YEATS2: variants seen among roughly 807,000 people sequenced by gnomAD.
The protein encoded by YEATS2 is YEATS domain containing 2.
A neutral mutation model predicts 163.2 loss-of-function variants in YEATS2; 77 were observed. That is an observed-to-expected ratio of 0.47 (90% CI 0.39 to 0.57). YEATS2 has a LOEUF of 0.57. Among genes scored for constraint, YEATS2 ranks in the 20% least tolerant of loss-of-function variants. YEATS2 has a pLI of 0.00. For synonymous variants in YEATS2, 631 were observed against 645.1 expected (o/e 0.98, Z 0.33); for missense variants, 1,549 against 1,729.8 (o/e 0.90, Z 1.85).
intron 19 of YEATS2, among the ~76,000 whole-genome samples, chr3:183,781,902 TA>T (rs138662908): frequency 1.2e-4 from 18 of 147,822 alleles, no homozygotes; most frequent in South Asian, 2.1e-4. Context: ...CACCCTGTCT[TA>T]AAAAAAAAAA....
chr3:183,714,142 A>T (rs1715564294), intron 1 of YEATS2, among the ~76,000 whole-genome samples: 1 of 151,266 alleles, frequency 6.6e-6, no homozygotes, highest in Non-Finnish European at 1.5e-5. Flanking sequence ...TTAAACAGCC[A>T]CATAAGGCTA....
At position 183,806,393 on chromosome 3, in the gene YEATS2, C is replaced by T. The variant is rs1263871434; in HGVS notation, c.3785-473C>T. On this transcript the variant is annotated intron_variant, in intron 27 of 30. Transcript: ENST00000305135. ...TAGATCTGGCCTTGAGGTCCTCACACTCCTGATTAGGTTTTGTATAAATCA... is the reference window on the plus strand; with the variant it reads ...TAGATCTGGCCTTGAGGTCCTCACATTCCTGATTAGGTTTTGTATAAATCA... The T allele has an allele frequency of 2.0e-5, 9 of 456,638 alleles. No homozygotes were observed. The East Asian group carries it at 4.2e-4, about 21-fold the overall frequency. 28.3% of individuals were successfully genotyped at this position (456,638 alleles called of 1,614,324 possible).
chr3:183,729,077 C>G (rs550533196), intron 7 of YEATS2, among the ~76,000 whole-genome samples: 2 of 152,196 alleles, frequency 1.3e-5, no homozygotes, highest in South Asian at 2.1e-4. Context: ...TTGAGACCAT[C>G]CTGGCTAACA....
chr3:183,727,897 T>TA (rs1190854754), intron 6 of YEATS2, among the ~76,000 whole-genome samples: 35 of 151,280 alleles, frequency 2.3e-4, no homozygotes, highest in African/African-American at 7.8e-4. Flanking sequence ...GGAATAAAAA[T>TA]ATGCCAGTTT....
At chr3:183,776,793 A>G (rs958341327) in intron 18 of YEATS2, among the ~76,000 whole-genome samples, 4 of 152,054 alleles carry the variant, frequency 2.6e-5, no homozygotes, top group African/African-American at 9.7e-5. Context: ...CTCTATTAAA[A>G]ATACAAAAAT....
chr3:183,783,308 G>T (rs1406265752), intron 19 of YEATS2, among the ~76,000 whole-genome samples: 1 of 152,194 alleles, frequency 6.6e-6, no homozygotes, highest in Non-Finnish European at 1.5e-5. Context: ...TCTGCTTGTG[G>T]AGTGCATTAA....
At chr3:183,780,210 T>C (rs1006585611) in intron 19 of YEATS2, among the ~76,000 whole-genome samples, 2 of 152,104 alleles carry the variant, frequency 1.3e-5, no homozygotes, top group Non-Finnish European at 2.9e-5. Context: ...CATATGTGGA[T>C]ATATCTCACA....
intron 1 of YEATS2, among the ~76,000 whole-genome samples, chr3:183,714,942 C>T (rs1458262703): frequency 6.6e-6 from 1 of 151,300 alleles, no homozygotes; most frequent in Non-Finnish European, 1.5e-5. Flanking sequence ...AACTTTTAAA[C>T]TTAGGCTTTT....
At chr3:183,772,871 T>G (rs1027669829) in intron 16 of YEATS2, among the ~76,000 whole-genome samples, 1 of 152,152 alleles carries the variant, frequency 6.6e-6, no homozygotes, top group Admixed American at 6.6e-5. Context: ...AATCCACAGA[T>G]GCTAATCCAC....
At chr3:183,807,216 C>T (rs1577234391) in intron 28 of YEATS2, 124 bp downstream of exon 28, 4 of 858,788 alleles carry the variant, frequency 4.7e-6, no homozygotes, top group Middle Eastern at 3.5e-4. Context: ...GACCCAGACT[C>T]TTCTGGTGCC....
chr3:183,775,831 C>T, intron 17 of YEATS2, 84 bp from the exon 18 acceptor site: 1 of 1,591,972 alleles, frequency 6.3e-7, no homozygotes, highest in South Asian at 1.1e-5. Context: ...AAAAGGGAAA[C>T]ATCTCTCTGG....
At chr3:183,761,139 G>A (rs1721306554) in intron 13 of YEATS2, among the ~76,000 whole-genome samples, 1 of 151,958 alleles carries the variant, frequency 6.6e-6, no homozygotes, top group South Asian at 2.1e-4. Flanking sequence ...CCAGGCTGGA[G>A]TGCAGTGGCG....
At position 183,806,196 on chromosome 3, in the gene YEATS2, A is replaced by G. The variant is rs575013217; in HGVS notation, c.3785-670A>G. ...TCCTAAGTCAAAAATGATATTTTCAACTTACGATGGGTTTTTCAGGATATA... is the reference window on the plus strand; with the variant it reads ...TCCTAAGTCAAAAATGATATTTTCAGCTTACGATGGGTTTTTCAGGATATA... On this transcript the variant is annotated intron_variant, in intron 27 of 30. Transcript: ENST00000305135. 8.9e-5 allele frequency: 37 copies of G among 417,808 alleles called. No homozygotes were observed. The East Asian group carries it at 2.2e-3, about 25-fold the overall frequency. The allele number at this position is 417,808 out of a possible 1,614,324, so 25.9% of individuals were successfully genotyped here.
intron 13 of YEATS2, among the ~76,000 whole-genome samples, chr3:183,759,965 G>T (rs553545583): frequency 6.6e-6 from 1 of 152,224 alleles, no homozygotes; most frequent in South Asian, 2.1e-4. Context: ...CCTTTTTCTG[G>T]GTAAGCAGTC....
chr3:183,725,000 C>CT (rs1317652894), intron 6 of YEATS2, among the ~76,000 whole-genome samples: 2 of 147,312 alleles, frequency 1.4e-5, no homozygotes, highest in African/African-American at 5.0e-5. Context: ...ACCTTGGCCT[C>CT]TCAAAGTGCT....
At chr3:183,802,214 A>G (rs1243318446) in intron 25 of YEATS2, 1 of 152,606 alleles carries the variant, frequency 6.6e-6, no homozygotes, top group Non-Finnish European at 1.5e-5. Flanking sequence ...CCAGCAGCCT[A>G]CGGACACAGG....
chr3:183,705,455 A>C (rs1397949182), intron 1 of YEATS2, among the ~76,000 whole-genome samples: 3 of 152,264 alleles, frequency 2.0e-5, no homozygotes, highest in South Asian at 4.1e-4. Flanking sequence ...TTTTGATACT[A>C]TATTGTTGGA....
chr3:183,782,410 A>G lies in YEATS2; in HGVS notation c.2737-3715A>G, dbSNP rs1185867642. 5.5e-5 allele frequency among the ~76,000 whole-genome samples: 8 copies of G among 146,720 alleles called. No individual in the cohort carries two copies. The East Asian group carries it at 6.3e-4, about 11-fold the overall frequency. On this transcript the variant is annotated intron_variant, in intron 19 of 30. Coordinates refer to ENST00000305135, the MANE Select transcript of YEATS2 (RefSeq NM_018023.5). ...GGACATGAGCCACCGCGCCTGGCCA[A>G]TTCTTGAGTTTTTTAATTTTTTTAT...
chr3:183,745,833 T>C (rs1719479147), intron 8 of YEATS2, among the ~76,000 whole-genome samples: 1 of 152,018 alleles, frequency 6.6e-6, no homozygotes, highest in Admixed American at 6.6e-5. Context: ...CTTTTTTCTG[T>C]TTTGTTTGTT....
Sources: gnomAD v4.1 joint callset for allele counts (sites outside exome capture counted in the v4.1 genomes callset) on GRCh38, gnomAD v4.1.1 for gene constraint, MANE v1.5 for transcripts, NCBI Gene and HGNC (gene_info 2026-07-23, HGNC 2026-07-21) for gene names.